RAB38: variants seen among roughly 807,000 people sequenced by gnomAD.
RAB38 encodes ras-related protein Rab-38.
In RAB38, 15 loss-of-function variants were observed where a neutral mutation model predicts 18.4. The observed-to-expected ratio is 0.82, with a 90% CI of 0.55 to 1.26. RAB38 has a LOEUF of 1.26. Ranked by LOEUF, RAB38 falls within the 50% of genes most tolerant of loss-of-function variation. The probability of loss-of-function intolerance (pLI) is 0.00; values close to 1 mark genes in which losing one functional copy is unlikely to be tolerated. For missense variants in RAB38, 294 were observed against 267.4 expected (o/e 1.10, Z -0.69); for synonymous variants, 101 against 104.4 (o/e 0.97, Z 0.20).
the RAB38 span, among the ~76,000 whole-genome samples, chr11:88,010,416 T>G: frequency 1.3e-5 from 2 of 152,190 alleles, no homozygotes; most frequent in African/African-American, 2.4e-5. Context: ...AATAACTGAC[T>G]GCCAGGGTGG....
the RAB38 span, among the ~76,000 whole-genome samples, chr11:88,011,670 A>C: frequency 6.6e-6 from 1 of 152,330 alleles, no homozygotes; most frequent in South Asian, 2.1e-4. Context: ...TGGCCTGCAC[A>C]TATTAGATAT....
chr11:88,061,013 T>C, the RAB38 span, among the ~76,000 whole-genome samples: 2 of 152,156 alleles, frequency 1.3e-5, no homozygotes, highest in African/African-American at 4.8e-5. Context: ...AACAATTTGT[T>C]TTTTTAGGTG....
the RAB38 span, among the ~76,000 whole-genome samples, chr11:88,088,407 T>C: frequency 6.6e-6 from 1 of 151,930 alleles, no homozygotes; most frequent in East Asian, 1.9e-4. Context: ...ACCTGAAGTT[T>C]AACAGCAGTA....
At chr11:88,162,331 TAAC>T (rs934095232) in intron 1 of RAB38, among the ~76,000 whole-genome samples, 4 of 152,094 alleles carry the variant, frequency 2.6e-5, no homozygotes, top group Admixed American at 2.6e-4. Flanking sequence ...CCCTACAAAA[TAAC>T]AAGCCACCCC....
the RAB38 span, among the ~76,000 whole-genome samples, chr11:88,014,714 A>T: frequency 1.3e-5 from 2 of 152,032 alleles, no homozygotes; most frequent in African/African-American, 4.8e-5. Flanking sequence ...CTTTTTACTG[A>T]TGGGCCTTAT....
At chr11:87,960,289 C>T in the RAB38 span, among the ~76,000 whole-genome samples, 5 of 151,494 alleles carry the variant, frequency 3.3e-5, no homozygotes, top group Non-Finnish European at 7.4e-5. Context: ...GCAGTTCTAA[C>T]ACGCCCCCAT....
At chr11:88,063,489 G>A in the RAB38 span, among the ~76,000 whole-genome samples, 1 of 152,052 alleles carries the variant, frequency 6.6e-6, no homozygotes, top group Admixed American at 6.5e-5. Context: ...GAGAATAGTG[G>A]GCAAAGGAGC....
chr11:88,093,473 G>A, the RAB38 span, among the ~76,000 whole-genome samples: 6 of 118,094 alleles, frequency 5.1e-5, no homozygotes, highest in East Asian at 1.3e-3. Flanking sequence ...AACATACATC[G>A]AATTGTATAG....
chr11:88,050,683 C>T, the RAB38 span, among the ~76,000 whole-genome samples: 2 of 152,190 alleles, frequency 1.3e-5, no homozygotes, highest in African/African-American at 4.8e-5. Context: ...TTTCATCTAG[C>T]TCCTTGTAGC....
the RAB38 span, among the ~76,000 whole-genome samples, chr11:87,824,206 A>G: frequency 6.6e-6 from 1 of 152,226 alleles, no homozygotes; most frequent in Non-Finnish European, 1.5e-5. Flanking sequence ...AAAAGTCTAC[A>G]TGTTGAGCAG....
intron 1 of RAB38, among the ~76,000 whole-genome samples, chr11:88,168,183 T>C (rs1222554133): frequency 1.3e-5 from 2 of 152,202 alleles, no homozygotes; most frequent in Non-Finnish European, 2.9e-5. Context: ...TCTATGAAAC[T>C]GGAAGTAAGA....
chr11:88,155,073 A>T (rs1025247730), intron 1 of RAB38, among the ~76,000 whole-genome samples: 1 of 152,194 alleles, frequency 6.6e-6, no homozygotes, highest in African/African-American at 2.4e-5. Flanking sequence ...TTGCGGCTGA[A>T]GAGATTTCCC....
intron 1 of RAB38, among the ~76,000 whole-genome samples, chr11:88,155,176 TA>T (rs2134835507): frequency 6.6e-6 from 1 of 152,376 alleles, no homozygotes; most frequent in South Asian, 2.1e-4. Flanking sequence ...AGGGCACCTG[TA>T]GATGAACCTA....
chr11:87,846,790 A>G, the RAB38 span, among the ~76,000 whole-genome samples: 3 of 152,120 alleles, frequency 2.0e-5, no homozygotes, highest in East Asian at 5.8e-4. Context: ...AATCTGGAGT[A>G]CAAAACAATG....
chr11:87,903,330 ATTATT>A, the RAB38 span, among the ~76,000 whole-genome samples: 2 of 151,446 alleles, frequency 1.3e-5, no homozygotes, highest in African/African-American at 2.4e-5. Flanking sequence ...TGGTTATATA[ATTATT>A]TTATTCACTT....
At chr11:87,885,524 G>T in the RAB38 span, among the ~76,000 whole-genome samples, 1 of 151,974 alleles carries the variant, frequency 6.6e-6, no homozygotes, top group Non-Finnish European at 1.5e-5. Context: ...AGTGTACTGC[G>T]GGTAAACACA....
chr11:87,923,841 A>G, the RAB38 span, among the ~76,000 whole-genome samples: 2 of 151,878 alleles, frequency 1.3e-5, no homozygotes, highest in East Asian at 3.9e-4. Context: ...ACAGTTTTGT[A>G]GTTGAGGAAT....
the RAB38 span, among the ~76,000 whole-genome samples, chr11:87,918,992 A>G: frequency 6.6e-6 from 1 of 151,550 alleles, no homozygotes; most frequent in Admixed American, 6.6e-5. Flanking sequence ...GTTTTCTTAT[A>G]CTGTATTTAC....
At chr11:87,871,450 A>G in the RAB38 span, among the ~76,000 whole-genome samples, 1 of 151,702 alleles carries the variant, frequency 6.6e-6, no homozygotes, top group Admixed American at 6.6e-5. Context: ...TGTACACACA[A>G]ATACAAATAC....
Sources: allele counts gnomAD v4.1 joint callset (sites outside exome capture counted in the v4.1 genomes callset), GRCh38; gene constraint gnomAD v4.1.1; transcripts MANE v1.5; gene names NCBI Gene and HGNC (gene_info 2026-07-23, HGNC 2026-07-21).